The following ME3 variants were observed in gnomAD, a reference collection of about 807,000 sequenced individuals.
The protein encoded by ME3 is NADP-dependent malic enzyme, mitochondrial.
A neutral mutation model predicts 68.9 loss-of-function variants in ME3; 48 were observed. The observed-to-expected ratio is 0.70, with a 90% CI of 0.55 to 0.89. The LOEUF is 0.89. Among genes scored for constraint, ME3 ranks in the 40% least tolerant of loss-of-function variants. The pLI is 0.00. For synonymous variants in ME3, 320 were observed against 318.8 expected (o/e 1.00, Z -0.04); for missense variants, 675 against 797.4 (o/e 0.85, Z 1.85).
At chr11:86,540,775 C>T (rs1222135004) in intron 4 of ME3, among the ~76,000 whole-genome samples, 2 of 152,132 alleles carry the variant, frequency 1.3e-5, no homozygotes, top group Admixed American at 1.3e-4. Context: ...TTCAATGATC[C>T]TTTACTCTTC....
chr11:86,590,014 A>G (rs1958967150), intron 2 of ME3, among the ~76,000 whole-genome samples: 1 of 152,180 alleles, frequency 6.6e-6, no homozygotes, highest in African/African-American at 2.4e-5. Context: ...TAATTTTAAT[A>G]TAACTTACTC....
intron 2 of ME3, among the ~76,000 whole-genome samples, chr11:86,652,707 TA>T (rs1340968726): frequency 6.6e-6 from 1 of 151,456 alleles, no homozygotes; most frequent in Non-Finnish European, 1.5e-5. Context: ...AATCACCAGC[TA>T]ACATCATAAT....
At chr11:86,461,838 C>A (rs934802337) in intron 8 of ME3, among the ~76,000 whole-genome samples, 3 of 152,324 alleles carry the variant, frequency 2.0e-5, no homozygotes, top group Admixed American at 1.3e-4. Context: ...CTGGTTCTTA[C>A]AGGGCTCCTG....
At chr11:86,629,084 T>C (rs1240739632) in intron 2 of ME3, among the ~76,000 whole-genome samples, 1 of 152,210 alleles carries the variant, frequency 6.6e-6, no homozygotes, top group Non-Finnish European at 1.5e-5. Flanking sequence ...CTGCAAAACC[T>C]AACTGGTGAT....
chr11:86,554,249 C>T (rs765587717), intron 4 of ME3, among the ~76,000 whole-genome samples: 1 of 152,072 alleles, frequency 6.6e-6, no homozygotes, highest in South Asian at 2.1e-4. Context: ...AGGGCTTCCA[C>T]ACATCCTGGC....
intron 13 of ME3, among the ~76,000 whole-genome samples, chr11:86,446,072 G>T (rs938763236): frequency 1.3e-5 from 2 of 152,084 alleles, no homozygotes; most frequent in Non-Finnish European, 2.9e-5. Flanking sequence ...CTCCTCCTCT[G>T]TCAGTGCCTC....
intron 4 of ME3, among the ~76,000 whole-genome samples, chr11:86,555,392 A>T (rs1481018215): frequency 2.0e-5 from 3 of 152,172 alleles, no homozygotes; most frequent in African/African-American, 7.2e-5. Flanking sequence ...TGTCTCTACC[A>T]CTATTGGTTT....
chr11:86,631,115 C>T (rs1275893412), intron 2 of ME3, among the ~76,000 whole-genome samples: 1 of 152,192 alleles, frequency 6.6e-6, no homozygotes, highest in Admixed American at 6.5e-5. Flanking sequence ...GGGAAGGATG[C>T]TATGTACCGA....
At chr11:86,518,795 G>A (rs1954064982) in intron 4 of ME3, among the ~76,000 whole-genome samples, 1 of 152,118 alleles carries the variant, frequency 6.6e-6, no homozygotes, top group Non-Finnish European at 1.5e-5. Context: ...GTTAGTGTGG[G>A]CCCTAATCTA....
intron 4 of ME3, among the ~76,000 whole-genome samples, chr11:86,543,759 T>A (rs2139363577): frequency 6.6e-6 from 1 of 152,206 alleles, no homozygotes; most frequent in East Asian, 1.9e-4. Flanking sequence ...GACATAAAAT[T>A]AACAAGGATA....
At chr11:86,479,352 G>C (rs762875863) in intron 7 of ME3, among the ~76,000 whole-genome samples, 2 of 152,094 alleles carry the variant, frequency 1.3e-5, no homozygotes, top group Non-Finnish European at 2.9e-5. Flanking sequence ...CCATCATCAC[G>C]TTAGCCACTT....
At chr11:86,579,820 A>T (rs1402072850) in intron 2 of ME3, among the ~76,000 whole-genome samples, 1 of 152,248 alleles carries the variant, frequency 6.6e-6, no homozygotes, top group African/African-American at 2.4e-5. Context: ...TTAATAGAGA[A>T]ACTCAAAGGT....
At chr11:86,486,772 C>A in intron 7 of ME3, among the ~76,000 whole-genome samples, 1 of 152,278 alleles carries the variant, frequency 6.6e-6, no homozygotes, top group Middle Eastern at 3.4e-3. Flanking sequence ...CGGGTGGCCA[C>A]GATGGCAGAC....
chr11:86,446,468 C>T, exon 13 of ME3: 1 of 1,614,246 alleles, frequency 6.2e-7, no homozygotes, highest in South Asian at 1.1e-5. Context: ...AGGACTTCCA[C>T]TGGCAAAAAT....
At chr11:86,479,666 A>T in intron 7 of ME3, among the ~76,000 whole-genome samples, 1 of 152,206 alleles carries the variant, frequency 6.6e-6, no homozygotes, top group African/African-American at 2.4e-5. Flanking sequence ...CTTCCCAATC[A>T]TCCCTGATTG....
chr11:86,553,226 G>C (rs574972245), intron 4 of ME3, among the ~76,000 whole-genome samples: 1 of 152,188 alleles, frequency 6.6e-6, no homozygotes. Context: ...CTCTTTCCCC[G>C]GTAATGAGGT....
chr11:86,473,741 G>A (rs2138811720), intron 7 of ME3, among the ~76,000 whole-genome samples: 1 of 152,110 alleles, frequency 6.6e-6, no homozygotes, highest in South Asian at 2.1e-4. Flanking sequence ...ATGTTTTGCG[G>A]AAGGATTCAC....
At chr11:86,456,951 A>G (rs1949973148) in intron 8 of ME3, among the ~76,000 whole-genome samples, 1 of 152,198 alleles carries the variant, frequency 6.6e-6, no homozygotes, top group Non-Finnish European at 1.5e-5. Flanking sequence ...CTCAAGGGAA[A>G]TGGAACTAAT....
chr11:86,598,545 C>T (rs967462769), intron 2 of ME3, among the ~76,000 whole-genome samples: 9 of 152,200 alleles, frequency 5.9e-5, no homozygotes, highest in Non-Finnish European at 8.8e-5. Context: ...AAAAAGACAG[C>T]AGTAACCTCT....
Sources: allele counts gnomAD v4.1 joint callset (sites outside exome capture counted in the v4.1 genomes callset), GRCh38; gene constraint gnomAD v4.1.1; transcripts MANE v1.5; gene names NCBI Gene and HGNC (gene_info 2026-07-23, HGNC 2026-07-21).